The following TMEM117 variants were observed in gnomAD, a reference collection of about 807,000 sequenced individuals.
TMEM117 encodes transmembrane protein 117.
A neutral mutation model predicts 52.4 loss-of-function variants in TMEM117; 27 were observed. The observed-to-expected ratio is 0.51, with a 90% CI of 0.38 to 0.71. TMEM117 has a LOEUF of 0.71. TMEM117 is among the 30% of genes least tolerant of loss of function. The pLI is 0.00. For missense variants in TMEM117, 556 were observed against 630.5 expected, an observed-to-expected ratio of 0.88 and a Z score of 1.26; for synonymous variants, 215 against 206.3, an observed-to-expected ratio of 1.04 and a Z score of -0.36.
intron 3 of TMEM117, among the ~76,000 whole-genome samples, chr12:43,986,574 A>G (rs1389566175): frequency 6.6e-6 from 1 of 151,984 alleles, no homozygotes; most frequent in African/African-American, 2.4e-5. Context: ...ATTTCTTTTC[A>G]TTTGTCTTCC....
the TMEM117 span, chr12:43,806,497 T>G: frequency 1.5e-6 from 1 of 669,856 alleles, no homozygotes. Flanking sequence ...GCTTCTGCTC[T>G]TGCCGCCGCC....
At chr12:44,287,185 A>G (rs1298887711) in intron 5 of TMEM117, among the ~76,000 whole-genome samples, 2 of 152,202 alleles carry the variant, frequency 1.3e-5, no homozygotes, top group African/African-American at 4.8e-5. Context: ...GCAACAATTG[A>G]GGAAAAGGAA....
intron 3 of TMEM117, among the ~76,000 whole-genome samples, chr12:44,016,924 A>T (rs1241444141): frequency 1.3e-5 from 2 of 152,180 alleles, no homozygotes; most frequent in African/African-American, 2.4e-5. Context: ...GATGAGTGTT[A>T]TTCTGGCCAC....
chr12:43,808,912 GTTT>G, the TMEM117 span, among the ~76,000 whole-genome samples: 1 of 149,854 alleles, frequency 6.7e-6, no homozygotes, highest in Non-Finnish European at 1.5e-5. Flanking sequence ...CCAATCTTAT[GTTT>G]TGCAAGTGAT....
chr12:44,207,111 T>A (rs960938854), intron 4 of TMEM117, among the ~76,000 whole-genome samples: 3 of 152,164 alleles, frequency 2.0e-5, no homozygotes, highest in Non-Finnish European at 4.4e-5. Context: ...AATAAAATTT[T>A]ATCTATTATG....
chr12:44,183,456 G>T (rs920148101), intron 4 of TMEM117, among the ~76,000 whole-genome samples: 1 of 152,152 alleles, frequency 6.6e-6, no homozygotes, highest in Non-Finnish European at 1.5e-5. Context: ...TATACTAAAG[G>T]TATGTGCTTA....
At chr12:44,129,063 T>C (rs1948372661) in intron 3 of TMEM117, among the ~76,000 whole-genome samples, 1 of 152,190 alleles carries the variant, frequency 6.6e-6, no homozygotes. Context: ...GTGTGCTACA[T>C]GGTGTCATTG....
At chr12:43,992,781 A>G (rs1383382977) in intron 3 of TMEM117, among the ~76,000 whole-genome samples, 1 of 152,144 alleles carries the variant, frequency 6.6e-6, no homozygotes, top group South Asian at 2.1e-4. Context: ...TCCTCAGGCT[A>G]TGTTCGACTC....
At chr12:44,090,982 TAA>T (rs1229025973) in intron 3 of TMEM117, among the ~76,000 whole-genome samples, 1 of 152,020 alleles carries the variant, frequency 6.6e-6, no homozygotes, top group Non-Finnish European at 1.5e-5. Context: ...ATAAATACTT[TAA>T]GTTATATCCT....
At chr12:44,269,166 G>C (rs950363478) in intron 5 of TMEM117, among the ~76,000 whole-genome samples, 1 of 151,800 alleles carries the variant, frequency 6.6e-6, no homozygotes, top group African/African-American at 2.4e-5. Flanking sequence ...GATTGCTTTT[G>C]GGTTAGCTAT....
rs532252444 is a variant in TMEM117, at chr12:44,317,960, C to G, written c.768+18221C>G. Reference sequence around the variant, plus strand: ...CAGGTACTAGCACCAGCACCTAATGCGTGGCCACCTAGCGCCCAGAGGTAT... The same window carrying G: ...CAGGTACTAGCACCAGCACCTAATGGGTGGCCACCTAGCGCCCAGAGGTAT... On this transcript the variant is annotated intron_variant, in intron 6 of 7. Coordinates refer to ENST00000266534, the MANE Select transcript of TMEM117 (RefSeq NM_032256.3). 5.3e-5 allele frequency among the ~76,000 whole-genome samples: 8 copies of G among 152,298 alleles called. No individual in the cohort carries two copies. In the East Asian group the frequency reaches 1.5e-3, roughly 29 times the overall value.
intron 4 of TMEM117, among the ~76,000 whole-genome samples, chr12:44,207,445 A>G (rs768154520): frequency 3.9e-5 from 6 of 152,178 alleles, no homozygotes; most frequent in Non-Finnish European, 7.4e-5. Flanking sequence ...TTGTCACACA[A>G]ATATTTTATG....
the TMEM117 span, among the ~76,000 whole-genome samples, chr12:43,817,573 C>G: frequency 6.6e-6 from 1 of 152,122 alleles, no homozygotes. Context: ...AGTGGACTTA[C>G]AAGGAACTAC....
intron 6 of TMEM117, among the ~76,000 whole-genome samples, chr12:44,340,635 A>G (rs1951404322): frequency 6.6e-6 from 1 of 152,086 alleles, no homozygotes; most frequent in Admixed American, 6.6e-5. Context: ...ATGCACGTCA[A>G]GAATTTATTT....
intron 4 of TMEM117, among the ~76,000 whole-genome samples, chr12:44,177,475 G>A (rs1024491985): frequency 1.3e-5 from 2 of 152,144 alleles, no homozygotes; most frequent in Non-Finnish European, 2.9e-5. Flanking sequence ...GCTTATTTGT[G>A]TTCTGTGTTT....
intron 5 of TMEM117, among the ~76,000 whole-genome samples, chr12:44,291,374 GTTTTTTT>G (rs1185340451): frequency 1.4e-4 from 10 of 71,456 alleles, no homozygotes; most frequent in African/African-American, 4.1e-4. Context: ...AGTTCTAACA[GTTTTTTT>G]TTTTTTTTTT....
chr12:43,817,264 T>C, the TMEM117 span, among the ~76,000 whole-genome samples: 1 of 152,218 alleles, frequency 6.6e-6, no homozygotes, highest in Non-Finnish European at 1.5e-5. Flanking sequence ...GAAGGGATAA[T>C]GAGCTAGTTA....
At chr12:43,958,118 T>G (rs1017597118) in intron 3 of TMEM117, among the ~76,000 whole-genome samples, 2 of 152,252 alleles carry the variant, frequency 1.3e-5, no homozygotes, top group South Asian at 4.1e-4. Context: ...TATTTTGTGA[T>G]GTGCTTGGCC....
chr12:44,096,477 C>G (rs1947765579), intron 3 of TMEM117, among the ~76,000 whole-genome samples: 2 of 152,062 alleles, frequency 1.3e-5, no homozygotes, highest in Admixed American at 1.3e-4. Flanking sequence ...TACAGGGCTA[C>G]AGTAACCAAA....
Sources: gnomAD v4.1 joint callset for allele counts (sites outside exome capture counted in the v4.1 genomes callset) on GRCh38, gnomAD v4.1.1 for gene constraint, MANE v1.5 for transcripts, NCBI Gene and HGNC (gene_info 2026-07-23, HGNC 2026-07-21) for gene names.